Variants in SLC13A4 observed in about 807,000 individuals in gnomAD.
The protein encoded by SLC13A4 is solute carrier family 13 member 4, also known as Na(+)/sulfate cotransporter SUT-1.
SLC13A4 carries 28 observed loss-of-function variants against 72.7 expected under a neutral mutation model. The ratio of observed to expected loss-of-function variants is 0.39; its 90% CI spans 0.29 to 0.53. SLC13A4 has a LOEUF of 0.53. SLC13A4 is among the 20% of genes least tolerant of loss of function. SLC13A4 has a pLI of 0.78. For missense variants in SLC13A4, 653 were observed against 788.0 expected (o/e 0.83, Z 2.05); for synonymous variants, 312 against 325.5 (o/e 0.96, Z 0.45).
chr7:135,722,103 G>T (rs1215758567), intron 1 of SLC13A4, among the ~76,000 whole-genome samples: 1 of 152,126 alleles, frequency 6.6e-6, no homozygotes, highest in African/African-American at 2.4e-5. Context: ...AATTAGCCAG[G>T]TGTGGTGGCA....
At chr7:135,722,969 T>C (rs1045169331) in intron 1 of SLC13A4, among the ~76,000 whole-genome samples, 1 of 152,148 alleles carries the variant, frequency 6.6e-6, no homozygotes, top group East Asian at 1.9e-4. Flanking sequence ...TAGGGCCACA[T>C]AGTTTCTTCT....
chr7:135,708,055 G>C, intron 3 of SLC13A4, 59 bp downstream of exon 3: 1 of 1,581,774 alleles, frequency 6.3e-7, no homozygotes, highest in Non-Finnish European at 8.6e-7. Flanking sequence ...CCACTGTCCT[G>C]GTGGCACACT....
rs115204114 is a variant in SLC13A4, at chr7:135,707,967, C to G, written c.365+147G>C. On this transcript the variant is annotated intron_variant, in intron 3 of 15. Coordinates refer to ENST00000682651, the MANE Select transcript of SLC13A4 (RefSeq NM_001318192.2). The stretch of plus-strand genomic sequence containing the variant: ...CATGATCACAGGCCCTCTCCCTGGA[C>G]GGGTCCTATGGCTCTGGTGTCAGCC... 4.6e-4 allele frequency: 402 copies of G among 877,566 alleles called. 3 individuals are homozygous for G. In the South Asian group the frequency reaches 6.6e-3, roughly 14 times the overall value. The allele number at this position is 877,566 out of a possible 1,614,324, so 54.4% of individuals were successfully genotyped here.
intron 7 of SLC13A4, 70 bp from the exon 8 acceptor site, chr7:135,699,618 A>G: frequency 7.1e-7 from 1 of 1,407,028 alleles, no homozygotes; most frequent in Non-Finnish European, 9.7e-7. Flanking sequence ...GAGAGGCAGG[A>G]GGCACCATGG....
At position 135,727,505 on chromosome 7, in the gene SLC13A4, T is replaced by G. The variant is rs1462340987; in HGVS notation, c.-9A>C. On this transcript the variant is annotated 5_prime_UTR_variant, in exon 1 of 16. Coordinates refer to ENST00000682651, the MANE Select transcript of SLC13A4 (RefSeq NM_001318192.2). ...CCCTGCAGCAGGCCCATCGCGCCTC[T>G]GTCCTCTCCAGCTCGTCCTTGGACC... 4 of 1,548,278 alleles carry G rather than the reference T, an allele frequency of 2.6e-6. No homozygotes were observed. Among genetic ancestry groups the G allele is most frequent in the Non-Finnish European group, 2.6e-6 (3 of 1,145,086 alleles).
chr7:135,684,261 A>T lies in SLC13A4; in HGVS notation c.1609T>A (p.Ser537Thr). 6.3e-7 allele frequency: 1 copy of T among 1,592,846 alleles called. No individual in the cohort carries two copies. Among genetic ancestry groups the T allele is most frequent in the Non-Finnish European group, 8.6e-7 (1 of 1,166,400 alleles). ...TIFLPILCSL[S>T]ETLHINPLYT... ...AGGGGGTTAATGTGCAGCGTTTCAGACTAGAAGAGAGAATTCACAGAAACA... is the reference window on the plus strand; with the variant it reads ...AGGGGGTTAATGTGCAGCGTTTCAGTCTAGAAGAGAGAATTCACAGAAACA... Residue 537 changes from serine (S) to threonine (T), a missense_variant and splice_region_variant, in exon 15 of 16, where the codon TCT becomes ACT. Coordinates refer to ENST00000682651, the MANE Select transcript of SLC13A4 (RefSeq NM_001318192.2).
intron 2 of SLC13A4, among the ~76,000 whole-genome samples, chr7:135,713,942 C>T (rs546504939): frequency 2.0e-5 from 3 of 152,320 alleles, no homozygotes; most frequent in African/African-American, 7.2e-5. Context: ...GGCTCCCGCT[C>T]AGTGCTAAGC....
At chr7:135,722,076 C>G (rs1469707063) in intron 1 of SLC13A4, among the ~76,000 whole-genome samples, 1 of 152,030 alleles carries the variant, frequency 6.6e-6, no homozygotes, top group African/African-American at 2.4e-5. Context: ...GACCCCATCT[C>G]TAAAAAATAA....
intron 2 of SLC13A4, among the ~76,000 whole-genome samples, chr7:135,718,070 T>TACACACAC (rs148088162): frequency 0.017 from 1,727 of 102,442 alleles, 36 homozygotes; most frequent in African/African-American, 0.059. Context: ...AGCCAATTCC[T>TACACACAC]ACACACACAC....
At chr7:135,698,417 C>T (rs1795953827) in intron 8 of SLC13A4, among the ~76,000 whole-genome samples, 1 of 148,650 alleles carries the variant, frequency 6.7e-6, no homozygotes, top group African/African-American at 2.5e-5. Flanking sequence ...TCACTGCAAC[C>T]TCTGTCTCCT....
Position 135,692,304 on chromosome 7 carries a change from A to C in SLC13A4, c.1223+19T>G. On this transcript the variant is annotated intron_variant, in intron 11 of 15. Coordinates refer to ENST00000682651, the MANE Select transcript of SLC13A4 (RefSeq NM_001318192.2). ...TGGGGTGAGGGGGTTGTTCTTAAGG[A>C]GGAAATGATATCACTTACTTTTCAA... is the stretch of plus-strand genomic sequence containing the variant. The C allele has an allele frequency of 6.4e-7, 1 of 1,567,170 alleles. No individual in the cohort carries two copies. The highest frequency in any genetic ancestry group is 8.8e-7 in the Non-Finnish European group (1 of 1,137,528).
At chr7:135,719,696 C>G (rs774181069) in intron 2 of SLC13A4, among the ~76,000 whole-genome samples, 2 of 152,012 alleles carry the variant, frequency 1.3e-5, no homozygotes, top group Admixed American at 6.6e-5. Flanking sequence ...GGGTTGTACC[C>G]ATCTCCAGGA....
At chr7:135,699,156 T>C (rs1042515820) in intron 8 of SLC13A4, among the ~76,000 whole-genome samples, 2 of 152,090 alleles carry the variant, frequency 1.3e-5, no homozygotes, top group Non-Finnish European at 2.9e-5. Context: ...GCCCAGGCTG[T>C]TTTTGAACTC....
At position 135,721,422 on chromosome 7, in the gene SLC13A4, C is replaced by T. The variant is rs768608458; in HGVS notation, c.201G>A (p.Pro67=). 18 of 1,613,926 alleles carry T rather than the reference C, an allele frequency of 1.1e-5. No individual in the cohort carries two copies. In the East Asian group the frequency reaches 2.0e-4, roughly 18 times the overall value. ...AAALVPAFLY[P]FFGVLRSNEV... Reference sequence around the variant, plus strand: ...CATTGGACCGGAGGACTCCGAAGAACGGGTAAAGGAAGGCCGGCACCAGGG... The same window carrying T: ...CATTGGACCGGAGGACTCCGAAGAATGGGTAAAGGAAGGCCGGCACCAGGG... Residue 67 remains proline, a synonymous_variant, in exon 2 of 16, where the codon CCG becomes CCA. Coordinates refer to ENST00000682651, the MANE Select transcript of SLC13A4 (RefSeq NM_001318192.2).
intron 2 of SLC13A4, among the ~76,000 whole-genome samples, chr7:135,719,679 G>A (rs898327403): frequency 5.3e-5 from 8 of 152,030 alleles, no homozygotes; most frequent in African/African-American, 1.7e-4. Context: ...GGGTCCCCAC[G>A]ATATTGGGGT....
chr7:135,719,956 G>GGAGAGAGAGA (rs10700387), intron 2 of SLC13A4, among the ~76,000 whole-genome samples: 5 of 135,964 alleles, frequency 3.7e-5, no homozygotes, highest in Admixed American at 7.6e-5. Flanking sequence ...GGAGTTGGGG[G>GGAGAGAGAGA]GAGAGAGAGA....
intron 2 of SLC13A4, among the ~76,000 whole-genome samples, chr7:135,716,592 C>A (rs1167622090): frequency 1.3e-5 from 2 of 152,320 alleles, no homozygotes; most frequent in African/African-American, 4.8e-5. Context: ...GGATTACAGG[C>A]GTGAGCCACA....
chr7:135,724,729 C>A (rs529240761), intron 1 of SLC13A4, among the ~76,000 whole-genome samples: 1 of 152,210 alleles, frequency 6.6e-6, no homozygotes, highest in African/African-American at 2.4e-5. Flanking sequence ...CATTTTTTAC[C>A]TGGATTTTCC....
chr7:135,684,021 C>G, intron 15 of SLC13A4, 103 bp downstream of exon 15: 1 of 1,353,482 alleles, frequency 7.4e-7, no homozygotes, highest in Non-Finnish European at 1.0e-6. Flanking sequence ...CATTGACAGG[C>G]CAGGGACACT....
Sources: gnomAD v4.1 joint callset for allele counts (sites outside exome capture counted in the v4.1 genomes callset) on GRCh38, gnomAD v4.1.1 for gene constraint, MANE v1.5 for transcripts, NCBI Gene and HGNC (gene_info 2026-07-23, HGNC 2026-07-21) for gene names.